The following ERAP1 variants were observed in gnomAD, a reference collection of about 807,000 sequenced individuals.
The protein encoded by ERAP1 is adipocyte-derived leucine aminopeptidase.
Under a neutral mutation model 103.7 loss-of-function variants are expected in ERAP1, and 86 were observed. The ratio of observed to expected loss-of-function variants is 0.83; its 90% CI spans 0.70 to 0.99. ERAP1 has a LOEUF of 0.99. ERAP1 is among the 50% of genes least tolerant of loss of function. ERAP1 has a pLI of 0.00. For synonymous variants in ERAP1, 398 were observed against 402.4 expected, an observed-to-expected ratio of 0.99 and a Z score of 0.13; for missense variants, 1,009 against 1,128.4, an observed-to-expected ratio of 0.89 and a Z score of 1.52.
chr5:96,836,471 G>A, the ERAP1 span, among the ~76,000 whole-genome samples: 1 of 152,062 alleles, frequency 6.6e-6, no homozygotes, highest in East Asian at 1.9e-4. Context: ...CAAAGTGCTG[G>A]GATTACAGGC....
the ERAP1 span, among the ~76,000 whole-genome samples, chr5:96,894,702 G>GT: frequency 6.6e-6 from 1 of 152,030 alleles, no homozygotes; most frequent in Non-Finnish European, 1.5e-5. Context: ...GCCCACTGAA[G>GT]TAAGTCAGGG....
In ERAP1 at chr5:96,803,588, C is replaced by T; in HGVS notation, c.339G>A (p.Glu113=). Residue 113 remains glutamate (E), a synonymous_variant, in exon 2 of 19, where the codon GAG becomes GAA. Coordinates refer to ENST00000443439, the MANE Select transcript of ERAP1 (RefSeq NM_001040458.3). ...CCTGCAGGGGTTCTTCCGATAGCCT[C>T]TCTCCAGCTCCCTTCCTGAGGGTGG... The part of the protein sequence containing the change: ...SRATLRKGAG[E]RLSEEPLQVL... 1 of 1,614,180 alleles carries T rather than the reference C, an allele frequency of 6.2e-7. No individual in the cohort carries two copies. The highest frequency in any genetic ancestry group is 8.5e-7 in the Non-Finnish European group (1 of 1,180,026).
the ERAP1 span, among the ~76,000 whole-genome samples, chr5:96,891,363 A>G: frequency 2.2e-5 from 2 of 92,762 alleles, no homozygotes; most frequent in Non-Finnish European, 2.3e-5. Context: ...GTGTGTATAT[A>G]TATATGTGTA....
chr5:96,896,254 C>A, the ERAP1 span: 10 of 770,652 alleles, frequency 1.3e-5, no homozygotes, highest in Non-Finnish European at 1.8e-5. Flanking sequence ...AGAAACATCT[C>A]CCAAGAAATA....
chr5:96,872,029 T>A, the ERAP1 span, among the ~76,000 whole-genome samples: 3 of 152,146 alleles, frequency 2.0e-5, no homozygotes, highest in Non-Finnish European at 4.4e-5. Flanking sequence ...TTCTTTAAAT[T>A]AAAAATTTTA....
chr5:96,774,283 A>G, downstream of ERAP1: 1 of 159,860 alleles, frequency 6.3e-6, no homozygotes, highest in Non-Finnish European at 1.4e-5. Flanking sequence ...ATGGCATACC[A>G]AAATCCAGAA....
chr5:96,797,322 T>G lies in ERAP1; in HGVS notation c.664-13A>C, dbSNP rs953141098. The G allele has an allele frequency of 1.7e-5, 28 of 1,612,680 alleles. No individual in the cohort carries two copies. Among genetic ancestry groups the G allele is most frequent in the Non-Finnish European group, 2.4e-5 (28 of 1,179,412 alleles). On this transcript the variant is annotated splice_polypyrimidine_tract_variant and intron_variant, in intron 3 of 18. Transcript: ENST00000443439. ...TCACAGATTTCACCTAAAATCAGAATAATTCAAATTATCAAGTAATCCAAT... is the reference window on the plus strand; with the variant it reads ...TCACAGATTTCACCTAAAATCAGAAGAATTCAAATTATCAAGTAATCCAAT...
At chr5:96,809,835 A>G (rs1779046709), upstream of ERAP1, among the ~76,000 whole-genome samples, 1 of 152,076 alleles carries the variant, frequency 6.6e-6, no homozygotes, top group African/African-American at 2.4e-5. Flanking sequence ...TTATATTTAT[A>G]TTTTTGAATA....
the ERAP1 span, chr5:96,935,488 A>C: frequency 1.3e-5 from 2 of 152,778 alleles, no homozygotes; most frequent in Non-Finnish European, 2.9e-5. Context: ...CCCCAGGGAA[A>C]CCAGCGATTC....
chr5:96,790,145 A>AT, intron 10 of ERAP1, 151 bp downstream of exon 10: 1 of 733,736 alleles, frequency 1.4e-6, no homozygotes, highest in Non-Finnish European at 2.3e-6. Flanking sequence ...ATTGAAAAAG[A>AT]TTATGAGTAT....
At chr5:96,836,421 C>T in the ERAP1 span, among the ~76,000 whole-genome samples, 1 of 152,010 alleles carries the variant, frequency 6.6e-6, no homozygotes, top group African/African-American at 2.4e-5. Flanking sequence ...AGGCTGGTCT[C>T]GAACTCCTGA....
At chr5:96,800,788 T>G in intron 3 of ERAP1, 74 bp downstream of exon 3, 1 of 1,519,728 alleles carries the variant, frequency 6.6e-7, no homozygotes, top group Non-Finnish European at 9.1e-7. Flanking sequence ...CAATGTTGAC[T>G]GTCACTGGGC....
At chr5:96,911,882 G>A in the ERAP1 span, among the ~76,000 whole-genome samples, 40,081 of 103,024 alleles carry the variant, frequency 0.39, 10,228 homozygotes, top group African/African-American at 0.41. Context: ...AAAAAAAAAA[G>A]AAAGAAAGAA....
the ERAP1 span, among the ~76,000 whole-genome samples, chr5:96,926,524 C>G: frequency 1.3e-5 from 2 of 152,226 alleles, no homozygotes; most frequent in Middle Eastern, 6.8e-3. Context: ...ATAGATTTGC[C>G]TAGTCTGGAC....
At chr5:96,785,599 G>A in intron 13 of ERAP1, 189 bp downstream of exon 13, 1 of 633,386 alleles carries the variant, frequency 1.6e-6, no homozygotes, top group South Asian at 1.8e-5. Context: ...TCCTTCAAGT[G>A]CCTTAGTAGT....
At chr5:96,795,216 C>A (rs1777219688) in intron 4 of ERAP1, 54 bp from the exon 5 acceptor site, 10 of 1,605,514 alleles carry the variant, frequency 6.2e-6, no homozygotes, top group Non-Finnish European at 8.5e-6. Flanking sequence ...CTTCTCTCCC[C>A]ACATTGTGTA....
At chr5:96,781,948 C>A in intron 15 of ERAP1, 94 bp from the exon 16 acceptor site, 1 of 1,208,228 alleles carries the variant, frequency 8.3e-7, no homozygotes, top group Non-Finnish European at 1.2e-6. Context: ...GAACTTTCCC[C>A]ATGATCAGAG....
chr5:96,841,071 A>T, the ERAP1 span, among the ~76,000 whole-genome samples: 3 of 152,232 alleles, frequency 2.0e-5, no homozygotes, highest in Non-Finnish European at 2.9e-5. Context: ...CCACTGGGGT[A>T]GCTGAAGCAT....
the ERAP1 span, chr5:96,873,392 C>T: frequency 2.9e-5 from 13 of 456,050 alleles, no homozygotes; most frequent in South Asian, 9.3e-5. Context: ...AGGAAGAAAA[C>T]GAAACACAAA....
Sources: gnomAD v4.1 joint callset for allele counts (sites outside exome capture counted in the v4.1 genomes callset) on GRCh38, gnomAD v4.1.1 for gene constraint, MANE v1.5 for transcripts, NCBI Gene and HGNC (gene_info 2026-07-23, HGNC 2026-07-21) for gene names.